The following CCDC178 variants were observed in gnomAD, a reference collection of about 807,000 sequenced individuals.
The protein encoded by CCDC178 is coiled-coil domain-containing protein 178.
A neutral mutation model predicts 117.4 loss-of-function variants in CCDC178; 126 were observed. The ratio of observed to expected loss-of-function variants is 1.07; its 90% CI spans 0.93 to 1.24. The LOEUF (loss-of-function observed/expected upper bound fraction) is 1.24, where lower values mean the gene tolerates loss of function less well. Ranked by LOEUF, CCDC178 falls within the 50% of genes most tolerant of loss-of-function variation. The probability of loss-of-function intolerance (pLI) is 0.00; values close to 1 mark genes in which losing one functional copy is unlikely to be tolerated. For missense variants in CCDC178, 1,030 were observed against 986.9 expected (o/e 1.04, Z -0.59); for synonymous variants, 283 against 313.4 (o/e 0.90, Z 1.02).
intron 21 of CCDC178, among the ~76,000 whole-genome samples, chr18:33,069,271 T>A (rs2057070107): frequency 6.6e-6 from 1 of 152,040 alleles, no homozygotes. Flanking sequence ...ACTACCGGAT[T>A]TTAAAGTATA....
At chr18:33,248,021 T>C (rs771494580) in intron 14 of CCDC178, among the ~76,000 whole-genome samples, 11 of 151,760 alleles carry the variant, frequency 7.2e-5, no homozygotes, top group Non-Finnish European at 1.2e-4. Context: ...ACAAAATCAA[T>C]TGTGAGTACT....
chr18:32,946,502 T>C (rs956050128), intron 22 of CCDC178, among the ~76,000 whole-genome samples: 2 of 152,154 alleles, frequency 1.3e-5, no homozygotes, highest in African/African-American at 2.4e-5. Context: ...ATGATCACTT[T>C]GTTATTTTCT....
At chr18:33,435,458 A>G (rs1172356254) in intron 2 of CCDC178, among the ~76,000 whole-genome samples, 1 of 152,086 alleles carries the variant, frequency 6.6e-6, no homozygotes, top group Non-Finnish European at 1.5e-5. Flanking sequence ...CATTCAAAAA[A>G]GTATTCAATA....
At chr18:33,065,866 T>C (rs922340938) in intron 21 of CCDC178, among the ~76,000 whole-genome samples, 8 of 149,874 alleles carry the variant, frequency 5.3e-5, no homozygotes, top group East Asian at 1.9e-4. Flanking sequence ...TTTTTCTTTT[T>C]TTTTTTTTTT....
At chr18:33,005,967 T>C (rs2055740500) in intron 21 of CCDC178, among the ~76,000 whole-genome samples, 1 of 152,066 alleles carries the variant, frequency 6.6e-6, no homozygotes, top group Admixed American at 6.6e-5. Flanking sequence ...AAGACTTAAC[T>C]ATTTTCTTTA....
chr18:32,969,785 A>G, intron 22 of CCDC178, among the ~76,000 whole-genome samples: 1 of 152,002 alleles, frequency 6.6e-6, no homozygotes, highest in East Asian at 1.9e-4. Flanking sequence ...GCCTCTGCTT[A>G]CTCAGTCTAA....
chr18:33,029,516 C>T (rs2056293653), intron 21 of CCDC178, among the ~76,000 whole-genome samples: 1 of 151,758 alleles, frequency 6.6e-6, no homozygotes, highest in Non-Finnish European at 1.5e-5. Flanking sequence ...TTAATTTCTG[C>T]TTTGATCTTA....
chr18:33,219,615 G>A (rs942209115), intron 18 of CCDC178, among the ~76,000 whole-genome samples: 3 of 152,132 alleles, frequency 2.0e-5, no homozygotes, highest in Non-Finnish European at 2.9e-5. Context: ...ATGAGTTCAT[G>A]TCCTTTGTAG....
intron 12 of CCDC178, among the ~76,000 whole-genome samples, chr18:33,268,030 GTTTCACA>G (rs2059839624): frequency 6.6e-6 from 1 of 151,600 alleles, no homozygotes; most frequent in Non-Finnish European, 1.5e-5. Flanking sequence ...CCTAAATCAA[GTTTCACA>G]TGAAAAGGAT....
chr18:33,343,089 A>G (rs1212199492), intron 9 of CCDC178, among the ~76,000 whole-genome samples: 1 of 152,064 alleles, frequency 6.6e-6, no homozygotes, highest in Non-Finnish European at 1.5e-5. Flanking sequence ...ATTCAAATTC[A>G]TTCAGAAACC....
At chr18:33,421,114 C>T (rs1476737389) in intron 2 of CCDC178, among the ~76,000 whole-genome samples, 1 of 152,062 alleles carries the variant, frequency 6.6e-6, no homozygotes, top group Non-Finnish European at 1.5e-5. Context: ...AGGAATGTGC[C>T]AAAGGATTTT....
chr18:33,280,963 C>T lies in CCDC178; in HGVS notation c.1176+12196G>A, dbSNP rs1460183307. Among the ~76,000 whole-genome samples, 8 of 151,800 alleles carry T rather than the reference C, an allele frequency of 5.3e-5. No homozygotes were observed. In the East Asian group the frequency reaches 7.7e-4, roughly 15 times the overall value. ...CTCTGGGGACTGTTGTGGGGTGGGG[C>T]GCGGGGGAGCGATAGCATTAGGAGA... On this transcript the variant is annotated intron_variant, in intron 12 of 22. Coordinates refer to ENST00000383096, the MANE Select transcript of CCDC178 (RefSeq NM_001105528.4).
At chr18:33,144,553 T>C (rs1331486953) in intron 20 of CCDC178, among the ~76,000 whole-genome samples, 2 of 152,120 alleles carry the variant, frequency 1.3e-5, no homozygotes, top group Non-Finnish European at 1.5e-5. Context: ...TGTCATTATG[T>C]CCGGAGAGGA....
intron 20 of CCDC178, among the ~76,000 whole-genome samples, chr18:33,095,857 A>T (rs2057534817): frequency 6.6e-6 from 1 of 151,942 alleles, no homozygotes; most frequent in Non-Finnish European, 1.5e-5. Context: ...TGTATTAAAA[A>T]CTATTCTAAA....
At chr18:33,102,697 T>A (rs1164854005) in intron 20 of CCDC178, among the ~76,000 whole-genome samples, 1 of 151,702 alleles carries the variant, frequency 6.6e-6, no homozygotes, top group African/African-American at 2.4e-5. Flanking sequence ...CAAGCAGAAA[T>A]ATGATATAAA....
At chr18:33,428,749 A>G (rs978178250) in intron 2 of CCDC178, among the ~76,000 whole-genome samples, 2 of 150,764 alleles carry the variant, frequency 1.3e-5, no homozygotes, top group South Asian at 2.1e-4. Context: ...AAAAAAAAAA[A>G]AAAAGAGAAA....
At chr18:33,181,085 T>C (rs1404395770) in intron 20 of CCDC178, among the ~76,000 whole-genome samples, 2 of 151,938 alleles carry the variant, frequency 1.3e-5, no homozygotes, top group East Asian at 1.9e-4. Context: ...AAAAGTACAA[T>C]TGATTGCGTG....
intron 11 of CCDC178, among the ~76,000 whole-genome samples, chr18:33,297,903 G>A (rs562104993): frequency 1.9e-4 from 29 of 152,156 alleles, no homozygotes; most frequent in African/African-American, 6.7e-4. Flanking sequence ...TTCGCCAGAC[G>A]TGGTGGCGGG....
chr18:33,399,607 G>A (rs1356005074), intron 3 of CCDC178, among the ~76,000 whole-genome samples: 1 of 152,154 alleles, frequency 6.6e-6, no homozygotes, highest in East Asian at 1.9e-4. Context: ...TCATTCCCAA[G>A]AAGCAACTTC....
Sources: gnomAD v4.1 joint callset for allele counts (sites outside exome capture counted in the v4.1 genomes callset) on GRCh38, gnomAD v4.1.1 for gene constraint, MANE v1.5 for transcripts, NCBI Gene and HGNC (gene_info 2026-07-23, HGNC 2026-07-21) for gene names.